Variants in ELP3 observed in about 807,000 individuals in gnomAD.
ELP3 encodes the protein elongator acetyltransferase complex subunit 3, also known as elongator complex protein 3.
A neutral mutation model predicts 74.9 loss-of-function variants in ELP3; 56 were observed. The ratio of observed to expected loss-of-function variants is 0.75; its 90% CI spans 0.60 to 0.93. The LOEUF (loss-of-function observed/expected upper bound fraction) is 0.93. ELP3 is among the 40% of genes least tolerant of loss of function. The pLI is 0.00. For missense variants in ELP3, 573 were observed against 686.5 expected (o/e 0.83, Z 1.85); for synonymous variants, 222 against 239.8 (o/e 0.93, Z 0.68).
rs747121955 is a variant in ELP3, at chr8:28,162,051, G to A, written c.1540G>A (p.Gly514Arg). ...EAERIAREEH[G>R]SGKIAVISGV... ...AGAAAGAATAGCTAGAGAAGAACATGGGTCTGGGAAAATCGCTGTGATATC... is the reference window on the plus strand; with the variant it reads ...AGAAAGAATAGCTAGAGAAGAACATAGGTCTGGGAAAATCGCTGTGATATC... Residue 514 changes from glycine to arginine, a missense_variant, in exon 14 of 15, where the codon GGG becomes AGG. Gly to Arg is a moderately radical substitution (Grantham distance 125). Transcript: ENST00000256398. 1 of 1,614,180 alleles carries A rather than the reference G, an allele frequency of 6.2e-7. No homozygotes were observed. Among genetic ancestry groups the A allele is most frequent in the East Asian group, 2.2e-5 (1 of 44,886 alleles).
At chr8:28,184,981 A>AAG (rs1177304539) in intron 14 of ELP3, among the ~76,000 whole-genome samples, 14 of 151,964 alleles carry the variant, frequency 9.2e-5, no homozygotes, top group African/African-American at 2.9e-4. Context: ...AAAAAAAAAA[A>AAG]AGAGAGAGAT....
intron 2 of ELP3, among the ~76,000 whole-genome samples, chr8:28,097,673 G>C (rs909719155): frequency 6.6e-6 from 1 of 152,096 alleles, no homozygotes; most frequent in African/African-American, 2.4e-5. Context: ...TGGGATTACA[G>C]GCGTGAGTCA....
intron 3 of ELP3, among the ~76,000 whole-genome samples, chr8:28,102,116 T>C (rs981144554): frequency 6.6e-6 from 1 of 152,236 alleles, no homozygotes; most frequent in African/African-American, 2.4e-5. Context: ...TTTTACATGC[T>C]TTCTTTGGTA....
In ELP3 at chr8:28,100,059, G is replaced by T; in HGVS notation, c.258+93G>T. The T allele has an allele frequency of 1.9e-6, 3 of 1,543,632 alleles. No homozygotes were observed. In the East Asian group the frequency reaches 6.8e-5, roughly 35 times the overall value. On this transcript the variant is annotated intron_variant, in intron 3 of 14. Coordinates refer to ENST00000256398, the MANE Select transcript of ELP3 (RefSeq NM_018091.6). ...GTGACGCCCGTGTAGTGAGGTAGAGGTTGGGGATTCTGAACTAATGAAGTC... is the reference window on the plus strand; with the variant it reads ...GTGACGCCCGTGTAGTGAGGTAGAGTTTGGGGATTCTGAACTAATGAAGTC...
intron 10 of ELP3, among the ~76,000 whole-genome samples, chr8:28,141,238 T>A (rs1174967667): frequency 6.6e-6 from 1 of 152,188 alleles, no homozygotes. Context: ...CAAATCACAA[T>A]TCTAGGCTGC....
chr8:28,120,054 G>T (rs888879101), intron 7 of ELP3, among the ~76,000 whole-genome samples: 1 of 152,134 alleles, frequency 6.6e-6, no homozygotes, highest in Non-Finnish European at 1.5e-5. Flanking sequence ...AAACTTCAGC[G>T]TACGTTCTTG....
At chr8:28,090,595 G>A (rs1419270934), upstream of ELP3, among the ~76,000 whole-genome samples, 2 of 151,734 alleles carry the variant, frequency 1.3e-5, no homozygotes, top group East Asian at 3.9e-4. Context: ...ATGGGATAAA[G>A]GTCGTTTACC....
At chr8:28,132,487 G>T in intron 9 of ELP3, 83 bp downstream of exon 9, 1 of 1,565,286 alleles carries the variant, frequency 6.4e-7, no homozygotes, top group South Asian at 1.1e-5. Flanking sequence ...GTTCACTGTT[G>T]ATGTTTTCCA....
At chr8:28,161,439 C>T (rs1352646022) in intron 13 of ELP3, among the ~76,000 whole-genome samples, 1 of 151,682 alleles carries the variant, frequency 6.6e-6, no homozygotes. Flanking sequence ...CTGGGCGTGG[C>T]GGCACGTGCC....
At chr8:28,167,256 A>G (rs1213237547) in intron 14 of ELP3, among the ~76,000 whole-genome samples, 1 of 152,198 alleles carries the variant, frequency 6.6e-6, no homozygotes, top group Non-Finnish European at 1.5e-5. Flanking sequence ...TGGTCAGAAA[A>G]TAAGTGTACC....
intron 14 of ELP3, among the ~76,000 whole-genome samples, chr8:28,167,755 T>C (rs1381317789): frequency 6.6e-6 from 1 of 152,224 alleles, no homozygotes; most frequent in East Asian, 1.9e-4. Context: ...CCTAATTAAA[T>C]GTACATTTTC....
In ELP3 at chr8:28,160,475, C is replaced by G; in HGVS notation, c.1485+19C>G. The G allele has an allele frequency of 6.2e-7, 1 of 1,601,860 alleles. No homozygotes were observed. Among genetic ancestry groups the G allele is most frequent in the South Asian group, 1.1e-5 (1 of 89,410 alleles). On this transcript the variant is annotated intron_variant, in intron 13 of 14. Coordinates refer to ENST00000256398, the MANE Select transcript of ELP3 (RefSeq NM_018091.6). ...GCATCAGGTATCCTGTATTCCATTT[C>G]TATTTGACTTCTAAGAAACTGCCTA...
intron 14 of ELP3, among the ~76,000 whole-genome samples, chr8:28,188,469 C>G (rs1347057715): frequency 2.0e-5 from 3 of 152,062 alleles, no homozygotes; most frequent in Non-Finnish European, 1.5e-5. Context: ...CCCACCCTCC[C>G]TCCTCCGGGG....
intron 14 of ELP3, among the ~76,000 whole-genome samples, chr8:28,177,215 C>G (rs180841150): frequency 6.6e-6 from 1 of 151,874 alleles, no homozygotes; most frequent in Non-Finnish European, 1.5e-5. Flanking sequence ...ACATGGGTAA[C>G]CTTTGTATGA....
At chr8:28,182,914 G>A (rs1237512496) in intron 14 of ELP3, among the ~76,000 whole-genome samples, 2 of 152,180 alleles carry the variant, frequency 1.3e-5, no homozygotes, top group African/African-American at 2.4e-5. Context: ...GGTCTCCTCC[G>A]GGTTGGAGAT....
At chr8:28,109,936 T>C (rs1811847162) in intron 5 of ELP3, among the ~76,000 whole-genome samples, 1 of 152,222 alleles carries the variant, frequency 6.6e-6, no homozygotes, top group African/African-American at 2.4e-5. Context: ...TTAGTGAACA[T>C]TTTATGTCAG....
chr8:28,163,527 T>A (rs1203326025), intron 14 of ELP3, among the ~76,000 whole-genome samples: 1 of 31,670 alleles, frequency 3.2e-5, no homozygotes, highest in Non-Finnish European at 5.1e-5. Flanking sequence ...CCTAAAGCTT[T>A]TTTTTTTTTT....
chr8:28,118,278 T>G (rs1168391110), intron 7 of ELP3, among the ~76,000 whole-genome samples: 5 of 152,214 alleles, frequency 3.3e-5, no homozygotes, highest in African/African-American at 1.2e-4. Context: ...TTGGCTCAGG[T>G]GTCCCTGCTA....
chr8:28,152,466 T>G (rs1459882956), intron 10 of ELP3, among the ~76,000 whole-genome samples: 1 of 152,220 alleles, frequency 6.6e-6, no homozygotes, highest in East Asian at 1.9e-4. Context: ...TTAATTTTGA[T>G]GTAGTCTTTT....
Sources: gnomAD v4.1 joint callset for allele counts (sites outside exome capture counted in the v4.1 genomes callset) on GRCh38, gnomAD v4.1.1 for gene constraint, MANE v1.5 for transcripts, NCBI Gene and HGNC (gene_info 2026-07-23, HGNC 2026-07-21) for gene names.